CREM: variants seen among roughly 807,000 people sequenced by gnomAD.
CREM encodes the protein cAMP responsive element modulator.
In CREM, 13 loss-of-function variants were observed where a neutral mutation model predicts 37.3. The observed-to-expected ratio is 0.35, with a 90% CI of 0.23 to 0.55. The LOEUF is 0.55. CREM is among the 20% of genes least tolerant of loss of function. The pLI, the probability that CREM is intolerant of heterozygous loss-of-function variation, is 0.88. For missense variants in CREM, 296 were observed against 362.3 expected, an observed-to-expected ratio of 0.82 and a Z score of 1.49; for synonymous variants, 124 against 120.2, an observed-to-expected ratio of 1.03 and a Z score of -0.21.
chr10:35,211,546 T>A lies in CREM; in HGVS notation c.*148T>A. On this transcript the variant is annotated 3_prime_UTR_variant, in exon 8 of 8. Transcript: ENST00000685392. ...TTTGAAATTGAATTGGGAATGTTGT[T>A]CCAGGATGTGGAATGCAGCCGTGAT... 6.6e-7 allele frequency: 1 copy of A among 1,504,350 alleles called. No homozygotes were observed. Among genetic ancestry groups the A allele is most frequent in the South Asian group, 1.3e-5 (1 of 76,808 alleles). 93.2% of individuals were successfully genotyped at this position (1,504,350 alleles called of 1,614,324 possible).
chr10:35,128,870 C>T (rs2088708391), intron 1 of CREM, among the ~76,000 whole-genome samples: 1 of 152,156 alleles, frequency 6.6e-6, no homozygotes, highest in African/African-American at 2.4e-5. Flanking sequence ...CTTTCCCTTC[C>T]TAAGTCATAG....
chr10:35,139,380 A>G (rs1345718414), intron 2 of CREM, among the ~76,000 whole-genome samples: 1 of 152,190 alleles, frequency 6.6e-6, no homozygotes, highest in Non-Finnish European at 1.5e-5. Flanking sequence ...TAGCCCTCCC[A>G]AAGTGCTGGG....
chr10:35,154,248 T>C, intron 3 of CREM: 1 of 392,856 alleles, frequency 2.5e-6, no homozygotes, highest in Non-Finnish European at 4.5e-6. Flanking sequence ...AAAAATCTTC[T>C]TGGTCCCACA....
At chr10:35,177,813 T>C (rs1448273209) in intron 3 of CREM, among the ~76,000 whole-genome samples, 2 of 152,190 alleles carry the variant, frequency 1.3e-5, no homozygotes, top group East Asian at 3.8e-4. Flanking sequence ...AGGGAGTTGT[T>C]ATGATTCTAT....
intron 2 of CREM, among the ~76,000 whole-genome samples, chr10:35,138,685 G>A (rs530338328): frequency 2.6e-5 from 4 of 151,476 alleles, no homozygotes; most frequent in African/African-American, 4.8e-5. Flanking sequence ...CACCATACCC[G>A]GCTAATTTTT....
chr10:35,132,201 CAAAAAAAAA>C (rs374078423), intron 1 of CREM, among the ~76,000 whole-genome samples: 1 of 49,210 alleles, frequency 2.0e-5, no homozygotes, highest in Admixed American at 2.2e-4. Context: ...ACTTGAGTCT[CAAAAAAAAA>C]AAAAAAAGAA....
At chr10:35,175,702 G>A (rs758448596) in intron 3 of CREM, 7 of 1,614,000 alleles carry the variant, frequency 4.3e-6, no homozygotes, top group East Asian at 2.2e-5. Context: ...ACCACCTCCC[G>A]ATGGTAAGTA....
intron 3 of CREM, among the ~76,000 whole-genome samples, chr10:35,149,924 A>ACACACACG (rs2092460558): frequency 7.7e-6 from 1 of 129,958 alleles, no homozygotes; most frequent in Non-Finnish European, 1.8e-5. Flanking sequence ...ACACACACAC[A>ACACACACG]CACACACACA....
intron 3 of CREM, among the ~76,000 whole-genome samples, chr10:35,166,650 G>T (rs1480601321): frequency 6.6e-6 from 1 of 151,960 alleles, no homozygotes; most frequent in Non-Finnish European, 1.5e-5. Flanking sequence ...GATTGCTTGA[G>T]CCTGGAAGGT....
chr10:35,203,904 A>G (rs2384352), intron 6 of CREM, among the ~76,000 whole-genome samples: 48,980 of 151,964 alleles, frequency 0.32, 7,953 homozygotes, highest in South Asian at 0.35. Flanking sequence ...ATCCTAGACC[A>G]AGGTCCATAT....
intron 3 of CREM, among the ~76,000 whole-genome samples, chr10:35,175,174 A>G (rs1050896453): frequency 1.3e-5 from 2 of 152,220 alleles, no homozygotes; most frequent in African/African-American, 4.8e-5. Flanking sequence ...CTGGCCAGGT[A>G]CAGTGGCTCA....
Position 35,189,852 on chromosome 10 carries a change from A to G in CREM, c.598+1464A>G, listed in dbSNP as rs142357530. On this transcript the variant is annotated intron_variant, in intron 6 of 7. Transcript: ENST00000685392. ...ATTTTAGTTCGAATGTCTTGCAGGTATGATAAGCATATTATAATTGATGAG... is the reference window on the plus strand; with the variant it reads ...ATTTTAGTTCGAATGTCTTGCAGGTGTGATAAGCATATTATAATTGATGAG... Among the ~76,000 whole-genome samples the G allele has an allele frequency of 5.0e-4, 76 of 152,316 alleles. 1 individual carries two copies. In the East Asian group the frequency reaches 0.014, roughly 29 times the overall value.
intron 3 of CREM, chr10:35,175,447 A>G: frequency 2.2e-6 from 1 of 453,928 alleles, no homozygotes; most frequent in South Asian, 2.4e-5. Context: ...CTCCGTCTCA[A>G]AAAAAAAAGA....
At position 35,137,812 on chromosome 10, in the gene CREM, G is replaced by A. The variant is rs776133984; in HGVS notation, c.-24G>A. 6.5e-7 allele frequency: 1 copy of A among 1,526,720 alleles called. No homozygotes were observed. The highest frequency in any genetic ancestry group is 8.9e-7 in the Non-Finnish European group (1 of 1,124,180). 94.6% of individuals were successfully genotyped at this position (1,526,720 alleles called of 1,614,324 possible). On this transcript the variant is annotated 5_prime_UTR_variant, in exon 2 of 8. Transcript: ENST00000685392. ...ATAAAGAAAACAGGAAAGGAGGAAA[G>A]CATTGATTACAAATATCTTAACAAT...
intron 3 of CREM, among the ~76,000 whole-genome samples, chr10:35,171,795 C>T (rs1427429139): frequency 6.6e-6 from 1 of 152,192 alleles, no homozygotes; most frequent in Non-Finnish European, 1.5e-5. Flanking sequence ...TTGAGAGCCA[C>T]TGGGATCTGA....
At chr10:35,176,434 G>T in intron 3 of CREM, among the ~76,000 whole-genome samples, 1 of 140,620 alleles carries the variant, frequency 7.1e-6, no homozygotes. Context: ...TTGAGACAGA[G>T]TCTCGCTTTG....
intron 5 of CREM, among the ~76,000 whole-genome samples, chr10:35,186,789 CATA>C (rs1047701616): frequency 8.4e-5 from 10 of 119,628 alleles, no homozygotes; most frequent in Non-Finnish European, 1.3e-4. Context: ...TTATATATAA[CATA>C]ATTATGTTAT....
intron 1 of CREM, among the ~76,000 whole-genome samples, chr10:35,131,360 TAGC>T (rs1374954947): frequency 6.6e-6 from 1 of 152,234 alleles, no homozygotes; most frequent in African/African-American, 2.4e-5. Context: ...TTTTTAAACA[TAGC>T]AGACTTAAAT....
Position 35,130,517 on chromosome 10 carries a change from A to G in CREM, c.-55+3324A>G, listed in dbSNP as rs542369390. Among the ~76,000 whole-genome samples the G allele has an allele frequency of 3.3e-5, 5 of 152,338 alleles. No individual in the cohort carries two copies. The East Asian group carries it at 9.6e-4, about 29-fold the overall frequency. On this transcript the variant is annotated intron_variant, in intron 1 of 7. Coordinates refer to ENST00000685392, the MANE Select transcript of CREM (RefSeq NM_183011.2). ...GCCTTAAGTCTTACTGCACTGAATA[A>G]TGATGTTTTGTTCAATGATGGACCA...
Sources: allele counts gnomAD v4.1 joint callset (sites outside exome capture counted in the v4.1 genomes callset), GRCh38; gene constraint gnomAD v4.1.1; transcripts MANE v1.5; gene names NCBI Gene and HGNC (gene_info 2026-07-23, HGNC 2026-07-21).